The following CSMD3 variants were observed in gnomAD, a reference collection of about 807,000 sequenced individuals.
CSMD3 encodes the protein CUB and sushi domain-containing protein 3.
CSMD3 carries 177 observed loss-of-function variants against 435.2 expected under a neutral mutation model. The observed-to-expected ratio is 0.41, with a 90% CI of 0.36 to 0.46. The LOEUF is 0.46. Ranked by LOEUF, CSMD3 falls within the 20% of genes least tolerant of loss-of-function variation. The pLI, the probability that CSMD3 is intolerant of heterozygous loss-of-function variation, is 0.34. For missense variants in CSMD3, 4,265 were observed against 4,504.6 expected (o/e 0.95, Z 1.52); for synonymous variants, 1,656 against 1,520.5 (o/e 1.09, Z -2.07).
chr8:112,461,105 A>C (rs948743280), intron 32 of CSMD3, among the ~76,000 whole-genome samples: 1 of 152,154 alleles, frequency 6.6e-6, no homozygotes, highest in Non-Finnish European at 1.5e-5. Context: ...ACAGAAAAAA[A>C]CACCAAACAT....
At chr8:112,703,693 A>T (rs2076438664) in intron 13 of CSMD3, among the ~76,000 whole-genome samples, 1 of 152,132 alleles carries the variant, frequency 6.6e-6, no homozygotes, top group Non-Finnish European at 1.5e-5. Context: ...TCTTAATGTT[A>T]AGAAGCCTTT....
intron 23 of CSMD3, among the ~76,000 whole-genome samples, chr8:112,574,723 G>A (rs1586715759): frequency 6.6e-6 from 1 of 152,034 alleles, no homozygotes; most frequent in Non-Finnish European, 1.5e-5. Flanking sequence ...GTTTCCCAAA[G>A]ATCAACTCTC....
In CSMD3 at chr8:112,550,327, C is replaced by T. The variant is rs185604681; in HGVS notation, c.4564+344G>A. On this transcript the variant is annotated intron_variant, in intron 27 of 70. Transcript: ENST00000297405. Reference sequence around the variant, plus strand: ...AGCAAGTAGTCATTTCCTTCCTCATCTGCAAAACTTCATATTTTAAAACTT... The same window carrying T: ...AGCAAGTAGTCATTTCCTTCCTCATTTGCAAAACTTCATATTTTAAAACTT... Among the ~76,000 whole-genome samples, 929 of 151,994 alleles carry T rather than the reference C, an allele frequency of 6.1e-3. 8 individuals carry two copies. Among genetic ancestry groups the T allele is most frequent in the African/African-American group, 0.022 (897 of 41,508 alleles).
chr8:112,237,205 C>T lies in CSMD3; in HGVS notation c.10612G>A (p.Glu3538Lys), dbSNP rs1270186652. 3 of 1,613,376 alleles carry T rather than the reference C, an allele frequency of 1.9e-6. No homozygotes were observed. The highest frequency in any genetic ancestry group is 2.2e-5 in the South Asian group (2 of 91,074). The change falls in exon 67 of 71, where the codon GAG (glutamate) becomes AAG (lysine). Residue 3538 changes from glutamate (E) to lysine (K), a missense_variant. By Grantham distance (56) the Glu-to-Lys change is moderately conservative (BLOSUM62 1). Coordinates refer to ENST00000297405, the MANE Select transcript of CSMD3 (RefSeq NM_198123.2). ...ATTGCGATACCTGAAAGTAGCAGCT[C>T]CATGTTGCTATTGCTCAGTGTTGCG... ...VNATLSNSNM[E>K]LLLSGVYKSQ...
intron 5 of CSMD3, among the ~76,000 whole-genome samples, chr8:113,066,758 T>C (rs1470273358): frequency 6.6e-6 from 1 of 152,040 alleles, no homozygotes; most frequent in Non-Finnish European, 1.5e-5. Context: ...AAAGATCTGT[T>C]AGCAAAAGTT....
intron 12 of CSMD3, among the ~76,000 whole-genome samples, chr8:112,808,285 A>G (rs1008872353): frequency 5.3e-5 from 8 of 152,140 alleles, no homozygotes; most frequent in African/African-American, 1.9e-4. Flanking sequence ...ATCTTTTAAT[A>G]CCCATGATTT....
intron 1 of CSMD3, among the ~76,000 whole-genome samples, chr8:113,358,783 G>A (rs956641521): frequency 1.4e-4 from 22 of 151,876 alleles, no homozygotes; most frequent in African/African-American, 4.6e-4. Context: ...TCTCTGGGAT[G>A]GTCGTGGATG....
chr8:112,733,744 AG>A (rs1789367139), intron 13 of CSMD3, among the ~76,000 whole-genome samples: 1 of 152,066 alleles, frequency 6.6e-6, no homozygotes, highest in African/African-American at 2.4e-5. Flanking sequence ...AGAGAGATAT[AG>A]CAAAGGAAGA....
rs182522625 is a variant in CSMD3 at position 112,911,906 on chromosome 8, A to G, written c.1633+9721T>C. 2.3e-3 allele frequency among the ~76,000 whole-genome samples: 299 copies of G among 128,190 alleles called. No individual in the cohort carries two copies. In the Middle Eastern group the frequency reaches 0.025, roughly 11 times the overall value. The allele number at this position is 128,190 out of a possible 152,430, so 84.1% of individuals were successfully genotyped here. On this transcript the variant is annotated intron_variant, in intron 10 of 70. Coordinates refer to ENST00000297405, the MANE Select transcript of CSMD3 (RefSeq NM_198123.2). ...TGAGAAGAATATTAAATAACCAAAT[A>G]TATCTTTATGAGGCATGAATTTTTT...
intron 22 of CSMD3, 29 bp downstream of exon 22, chr8:112,636,788 C>T (rs566076631): frequency 1.3e-6 from 2 of 1,590,740 alleles, no homozygotes; most frequent in Non-Finnish European, 1.7e-6. Flanking sequence ...ACTACACATA[C>T]AAGCAAATGA....
chr8:112,466,353 G>A (rs1424189711), intron 32 of CSMD3, among the ~76,000 whole-genome samples: 1 of 151,970 alleles, frequency 6.6e-6, no homozygotes, highest in Non-Finnish European at 1.5e-5. Context: ...ATAAATGATT[G>A]AATTAAGCAT....
At chr8:112,228,296 G>A (rs1812767109) in intron 70 of CSMD3, among the ~76,000 whole-genome samples, 1 of 152,104 alleles carries the variant, frequency 6.6e-6, no homozygotes, top group African/African-American at 2.4e-5. Context: ...GAGAAGATTA[G>A]AGGATTTTGC....
chr8:113,067,956 C>T (rs2088933944), intron 5 of CSMD3, among the ~76,000 whole-genome samples: 2 of 152,056 alleles, frequency 1.3e-5, no homozygotes, highest in African/African-American at 4.8e-5. Context: ...AACATAATTG[C>T]ACTGCTCTGG....
intron 46 of CSMD3, 113 bp downstream of exon 46, chr8:112,319,788 A>G: frequency 1.3e-6 from 1 of 793,208 alleles, no homozygotes; most frequent in Admixed American, 1.7e-5. Flanking sequence ...CTCTATCAAC[A>G]CAGGGAATGA....
chr8:112,517,337 G>A (rs1425148344), intron 27 of CSMD3, 112 bp from the exon 28 acceptor site: 2 of 692,884 alleles, frequency 2.9e-6, no homozygotes, highest in East Asian at 5.4e-5. Context: ...ATTTTTAAAT[G>A]CTATACAATA....
chr8:112,970,883 A>G (rs112105419), intron 7 of CSMD3, among the ~76,000 whole-genome samples: 9,705 of 151,590 alleles, frequency 0.064, 330 homozygotes, highest in African/African-American at 0.072. Flanking sequence ...CACCACGCCC[A>G]GCTAATTTTT....
intron 6 of CSMD3, among the ~76,000 whole-genome samples, chr8:112,978,636 G>T (rs1161347811): frequency 1.3e-5 from 2 of 151,938 alleles, no homozygotes; most frequent in Admixed American, 6.6e-5. Context: ...AGTGTTTAAG[G>T]TTGAAATAAA....
intron 3 of CSMD3, among the ~76,000 whole-genome samples, chr8:113,254,730 CT>C (rs2093365194): frequency 6.6e-6 from 1 of 151,044 alleles, no homozygotes; most frequent in African/African-American, 2.5e-5. Context: ...TTTCTAATTT[CT>C]TTTTAAATGA....
intron 28 of CSMD3, among the ~76,000 whole-genome samples, chr8:112,511,589 A>G (rs1823142724): frequency 6.6e-6 from 1 of 151,484 alleles, no homozygotes; most frequent in Non-Finnish European, 1.5e-5. Flanking sequence ...ACGGGGTTTC[A>G]CCGTGTTAGC....
Sources: gnomAD v4.1 joint callset for allele counts (sites outside exome capture counted in the v4.1 genomes callset) on GRCh38, gnomAD v4.1.1 for gene constraint, MANE v1.5 for transcripts, NCBI Gene and HGNC (gene_info 2026-07-23, HGNC 2026-07-21) for gene names.